USP50: variants seen among roughly 807,000 people sequenced by gnomAD.
USP50 encodes ubiquitin carboxyl-terminal hydrolase 50.
In USP50, 37 loss-of-function variants were observed where a neutral mutation model predicts 39.2. The ratio of observed to expected loss-of-function variants is 0.94; its 90% confidence interval spans 0.73 to 1.24. The LOEUF (loss-of-function observed/expected upper bound fraction) is 1.24, where lower values mean the gene tolerates loss of function less well. Ranked by LOEUF, USP50 falls within the 50% of genes most tolerant of loss-of-function variation. The pLI is 0.00. For synonymous variants in USP50, 139 were observed against 144.5 expected, an observed-to-expected ratio of 0.96 and a Z score of 0.27; for missense variants, 374 against 398.2, an observed-to-expected ratio of 0.94 and a Z score of 0.52.
intron 6 of USP50, among the ~76,000 whole-genome samples, chr15:50,516,548 C>T (rs776158991): frequency 5.9e-5 from 9 of 152,046 alleles, no homozygotes; most frequent in African/African-American, 2.2e-4. Flanking sequence ...ACCCAGGAGG[C>T]GGAGGTTGCA....
chr15:50,517,675 GACATA>G (rs2052814279), intron 6 of USP50, among the ~76,000 whole-genome samples: 1 of 152,160 alleles, frequency 6.6e-6, no homozygotes, highest in Non-Finnish European at 1.5e-5. Context: ...TGAAAATGGA[GACATA>G]ACATACAAAA....
chr15:50,539,490 C>T (rs2053012242), intron 4 of USP50, among the ~76,000 whole-genome samples: 1 of 150,820 alleles, frequency 6.6e-6, no homozygotes, highest in African/African-American at 2.4e-5. Context: ...GATCTTGGCT[C>T]ACTGCAACCT....
At chr15:50,544,374 A>T (rs978549824) in intron 2 of USP50, among the ~76,000 whole-genome samples, 11 of 150,672 alleles carry the variant, frequency 7.3e-5, no homozygotes, top group African/African-American at 2.4e-4. Context: ...CAACAACAAT[A>T]AAAAAAAATA....
At chr15:50,517,051 T>C (rs1387215582) in intron 6 of USP50, among the ~76,000 whole-genome samples, 2 of 152,206 alleles carry the variant, frequency 1.3e-5, no homozygotes, top group South Asian at 2.1e-4. Context: ...AATTATACTT[T>C]AGACCAAACA....
chr15:50,544,001 C>T lies in USP50; in HGVS notation c.249-208G>A. 5.3e-6 allele frequency: 3 copies of T among 564,910 alleles called. No individual in the cohort carries two copies. The South Asian group carries it at 6.1e-5, about 11-fold the overall frequency. The allele number at this position is 564,910 out of a possible 1,614,324, so 35.0% of individuals were successfully genotyped here. ...GCTGTGATCATACCACTACTTCACCCCAGCTTGGGTGACAGAACAAGACTG... is the reference window on the plus strand; with the variant it reads ...GCTGTGATCATACCACTACTTCACCTCAGCTTGGGTGACAGAACAAGACTG... On this transcript the variant is annotated intron_variant, in intron 2 of 6. Coordinates refer to ENST00000532404, the MANE Select transcript of USP50 (RefSeq NM_203494.5).
In USP50 at chr15:50,544,625, T is replaced by C; in HGVS notation, c.210A>G (p.Glu70=). 1 of 1,613,776 alleles carries C rather than the reference T, an allele frequency of 6.2e-7. No individual in the cohort carries two copies. Among genetic ancestry groups the C allele is most frequent in the African/African-American group, 1.3e-5 (1 of 75,016 alleles). The part of the protein sequence containing the change: ...QCLCSILPLV[E]YFLTGKYITA... ...TGATATACTTCCCGGTGAGAAAGTATTCCACCAGCGGCAAGATGCTGCAGA... is the reference window on the plus strand; with the variant it reads ...TGATATACTTCCCGGTGAGAAAGTACTCCACCAGCGGCAAGATGCTGCAGA... Residue 70 remains glutamate, a synonymous_variant, in exon 2 of 7, where the codon GAA becomes GAG. Coordinates refer to ENST00000532404, the MANE Select transcript of USP50 (RefSeq NM_203494.5).
chr15:50,495,820 T>C, downstream of USP50: 1 of 1,543,360 alleles, frequency 6.5e-7, no homozygotes. Flanking sequence ...GAGATATTAA[T>C]ATAGAGCTTA....
intron 2 of USP50, 74 bp downstream of exon 2, chr15:50,544,513 G>A: frequency 7.1e-7 from 1 of 1,403,022 alleles, no homozygotes. Flanking sequence ...AGGGATTCCA[G>A]AGTTCCTTCT....
chr15:50,528,064 AGTTTTT>A (rs754540606), intron 6 of USP50, among the ~76,000 whole-genome samples: 2 of 74,660 alleles, frequency 2.7e-5, no homozygotes, highest in Non-Finnish European at 2.6e-5. Flanking sequence ...AAAAGAACTA[AGTTTTT>A]TTTTTTTTTT....
intron 6 of USP50, chr15:50,504,521 TCAAAAAACAAAAA>T (rs1566900391): frequency 6.6e-6 from 1 of 152,018 alleles, no homozygotes; most frequent in Non-Finnish European, 1.5e-5. Flanking sequence ...AGACCTTGTC[TCAAAAAACAAAAA>T]CAAAAAACAC....
downstream of USP50, chr15:50,496,873 C>A: frequency 6.6e-6 from 3 of 455,304 alleles, no homozygotes; most frequent in Non-Finnish European, 1.1e-5. Flanking sequence ...TGTCCTGTCA[C>A]AACACACTGT....
At chr15:50,497,162 C>T (rs1186609591), downstream of USP50, 1 of 1,610,798 alleles carries the variant, frequency 6.2e-7, no homozygotes, top group Non-Finnish European at 8.5e-7. Flanking sequence ...CATTGCAGAG[C>T]TCGACGGGAT....
At chr15:50,515,698 AT>A (rs2052797155) in intron 6 of USP50, among the ~76,000 whole-genome samples, 1 of 151,704 alleles carries the variant, frequency 6.6e-6, no homozygotes, top group Admixed American at 6.6e-5. Context: ...CAAAAACAAA[AT>A]TAAAGAATAA....
chr15:50,495,061 C>T (rs1427805381), intron 1 of USP50, among the ~76,000 whole-genome samples: 1 of 150,884 alleles, frequency 6.6e-6, no homozygotes, highest in African/African-American at 2.4e-5. Flanking sequence ...CCAAATGACT[C>T]ATGTGACTAG....
intron 6 of USP50, among the ~76,000 whole-genome samples, chr15:50,523,175 C>CTTTTTTTTTTTTTTTTTTT (rs57450027): frequency 2.9e-5 from 3 of 104,208 alleles, no homozygotes; most frequent in African/African-American, 7.4e-5. Context: ...AAATCAGTAG[C>CTTTTTTTTTTTTTTTTTTT]TTTTTTTTTT....
At chr15:50,544,551 TG>T in intron 2 of USP50, 35 bp downstream of exon 2, 1 of 1,552,876 alleles carries the variant, frequency 6.4e-7, no homozygotes, top group Admixed American at 1.9e-5. Context: ...GAAGTGGGGG[TG>T]GGGGCTGGGC....
At chr15:50,532,460 C>G (rs1430755056) in intron 5 of USP50, among the ~76,000 whole-genome samples, 3 of 151,868 alleles carry the variant, frequency 2.0e-5, no homozygotes, top group Non-Finnish European at 4.4e-5. Flanking sequence ...AGTCTGGAGG[C>G]TGAAGTTCAT....
downstream of USP50, chr15:50,493,501 C>G (rs745384823): frequency 1.0e-4 from 53 of 518,414 alleles, no homozygotes; most frequent in South Asian, 1.5e-4. Flanking sequence ...ACTGGTAATC[C>G]TAGCACTTTG....
intron 3 of USP50, 123 bp downstream of exon 3, chr15:50,543,475 A>G: frequency 1.1e-6 from 1 of 875,200 alleles, no homozygotes; most frequent in African/African-American, 1.7e-5. Context: ...TCTCCATGGG[A>G]CACCTAGCAC....
Sources: gnomAD v4.1 joint callset for allele counts (sites outside exome capture counted in the v4.1 genomes callset) on GRCh38, gnomAD v4.1.1 for gene constraint, MANE v1.5 for transcripts, NCBI Gene and HGNC (gene_info 2026-07-23, HGNC 2026-07-21) for gene names.